ZCWPW2: variants seen among roughly 807,000 people sequenced by gnomAD.
ZCWPW2 encodes the protein zinc finger CW-type PWWP domain protein 2.
Under a neutral mutation model 46.6 loss-of-function variants are expected in ZCWPW2, and 45 were observed. That is an observed-to-expected ratio of 0.96 (90% CI 0.76 to 1.24). The LOEUF (loss-of-function observed/expected upper bound fraction) is 1.24, where lower values mean the gene tolerates loss of function less well. Among genes scored for constraint, ZCWPW2 ranks in the 50% most tolerant of loss-of-function variants. The pLI is 0.00. For missense variants in ZCWPW2, 429 were observed against 403.9 expected (o/e 1.06, Z -0.53); for synonymous variants, 152 against 137.1 (o/e 1.11, Z -0.76).
chr3:28,409,239 C>T (rs552915884), intron 2 of ZCWPW2, among the ~76,000 whole-genome samples: 2 of 151,024 alleles, frequency 1.3e-5, no homozygotes, highest in South Asian at 2.1e-4. Context: ...CCTGCCTCAG[C>T]CTTGCAAGTA....
At chr3:28,473,605 C>T (rs1699119865) in intron 4 of ZCWPW2, among the ~76,000 whole-genome samples, 1 of 152,148 alleles carries the variant, frequency 6.6e-6, no homozygotes, top group African/African-American at 2.4e-5. Flanking sequence ...GCACTGTTCA[C>T]AGTGGCCAAG....
At chr3:28,389,999 G>T (rs1181567018) in intron 1 of ZCWPW2, among the ~76,000 whole-genome samples, 1 of 152,116 alleles carries the variant, frequency 6.6e-6, no homozygotes, top group Non-Finnish European at 1.5e-5. Flanking sequence ...ACCTTCACAG[G>T]AATATCCAGA....
chr3:28,501,196 T>C (rs1420545612), intron 6 of ZCWPW2, among the ~76,000 whole-genome samples: 1 of 152,174 alleles, frequency 6.6e-6, no homozygotes, highest in Non-Finnish European at 1.5e-5. Flanking sequence ...GATCAGCTTT[T>C]GTAAGGCAGC....
chr3:28,390,086 C>T (rs1008711688), intron 1 of ZCWPW2, among the ~76,000 whole-genome samples: 4 of 152,194 alleles, frequency 2.6e-5, no homozygotes, highest in African/African-American at 7.2e-5. Flanking sequence ...TGACATCCTC[C>T]ATTTCCCAGT....
rs78769543 is a variant in ZCWPW2, at chr3:28,391,465, A to G, written c.-14+848A>G. On this transcript the variant is annotated intron_variant, in intron 2 of 9. Transcript: ENST00000383768. Reference sequence around the variant, plus strand: ...GGAGGGCTCAGGAGTCCAATTAACAACATCCAGCAATGCAGTGGAACAAAT... The same window carrying G: ...GGAGGGCTCAGGAGTCCAATTAACAGCATCCAGCAATGCAGTGGAACAAAT... Among the ~76,000 whole-genome samples, 1,476 of 152,242 alleles carry G rather than the reference A, an allele frequency of 9.7e-3. 17 individuals are homozygous for G. The highest frequency in any genetic ancestry group is 0.024 in the Middle Eastern group (7 of 294).
At chr3:28,478,744 A>C (rs1241665514) in intron 4 of ZCWPW2, 70 bp from the exon 5 acceptor site, 18 of 724,512 alleles carry the variant, frequency 2.5e-5, no homozygotes, top group Non-Finnish European at 3.7e-5. Flanking sequence ...GTTCCAGCTT[A>C]ATAAGTGGAT....
Position 28,394,452 on chromosome 3 carries a change from A to G in ZCWPW2, c.-14+3835A>G, listed in dbSNP as rs544796723. Among the ~76,000 whole-genome samples the G allele has an allele frequency of 2.4e-4, 36 of 152,236 alleles. 1 individual carries two copies. Among genetic ancestry groups the G allele is most frequent in the Middle Eastern group, 3.4e-3 (1 of 294 alleles). On this transcript the variant is annotated intron_variant, in intron 2 of 9. Coordinates refer to ENST00000383768, the MANE Select transcript of ZCWPW2 (RefSeq NM_001040432.4). ...CTCCTTTGGAACCATGAAAGACTCT[A>G]AATTTATAACAGAAGCAATCTTGAT...
chr3:28,360,520 C>G (rs1442998844), intron 1 of ZCWPW2, among the ~76,000 whole-genome samples: 1 of 142,796 alleles, frequency 7.0e-6, no homozygotes, highest in Non-Finnish European at 1.5e-5. Context: ...AAGACTTTGT[C>G]TGAAAAAAAA....
At chr3:28,436,961 A>G (rs1189008741) in intron 4 of ZCWPW2, among the ~76,000 whole-genome samples, 1 of 152,188 alleles carries the variant, frequency 6.6e-6, no homozygotes, top group African/African-American at 2.4e-5. Flanking sequence ...ATTGACTCCA[A>G]TTTACACTCT....
intron 4 of ZCWPW2, among the ~76,000 whole-genome samples, chr3:28,463,718 G>C (rs931195149): frequency 6.6e-6 from 1 of 152,094 alleles, no homozygotes; most frequent in Admixed American, 6.6e-5. Flanking sequence ...GTACATGCTT[G>C]TAGTCCTAGT....
At chr3:28,432,634 A>G (rs983097189) in intron 3 of ZCWPW2, among the ~76,000 whole-genome samples, 3 of 152,140 alleles carry the variant, frequency 2.0e-5, no homozygotes, top group African/African-American at 7.2e-5. Context: ...TTTGCCATGG[A>G]TGGTTTTAGC....
intron 4 of ZCWPW2, 59 bp downstream of exon 4, chr3:28,435,328 T>A: frequency 1.3e-6 from 2 of 1,507,476 alleles, no homozygotes; most frequent in Non-Finnish European, 8.9e-7. Context: ...TTATGGTAAT[T>A]TTTATCTTTG....
At chr3:28,449,130 A>G (rs1301301294) in intron 4 of ZCWPW2, among the ~76,000 whole-genome samples, 2 of 152,048 alleles carry the variant, frequency 1.3e-5, no homozygotes, top group East Asian at 1.9e-4. Context: ...AGACCATTCA[A>G]TGGGGAAAGG....
At chr3:28,512,495 A>C (rs1277644978) in intron 6 of ZCWPW2, among the ~76,000 whole-genome samples, 2 of 152,064 alleles carry the variant, frequency 1.3e-5, no homozygotes, top group Non-Finnish European at 2.9e-5. Context: ...TAATTCTGGA[A>C]TATTCTTAGT....
At chr3:28,454,753 G>T (rs1323563757) in intron 4 of ZCWPW2, among the ~76,000 whole-genome samples, 2 of 152,156 alleles carry the variant, frequency 1.3e-5, no homozygotes, top group Non-Finnish European at 2.9e-5. Flanking sequence ...TTCTGTTCCT[G>T]CATTAAATGG....
At chr3:28,409,531 T>C (rs1209382888) in intron 2 of ZCWPW2, among the ~76,000 whole-genome samples, 1 of 152,050 alleles carries the variant, frequency 6.6e-6, no homozygotes, top group African/African-American at 2.4e-5. Flanking sequence ...AACACACTAG[T>C]GATAATTATG....
At chr3:28,358,136 C>A (rs954338180) in intron 1 of ZCWPW2, among the ~76,000 whole-genome samples, 2 of 152,018 alleles carry the variant, frequency 1.3e-5, no homozygotes, top group Non-Finnish European at 2.9e-5. Context: ...CCTTAGCTGT[C>A]TGAACTATTG....
chr3:28,514,906 G>A (rs1054759290), intron 7 of ZCWPW2, among the ~76,000 whole-genome samples: 2 of 152,098 alleles, frequency 1.3e-5, no homozygotes, highest in Non-Finnish European at 2.9e-5. Flanking sequence ...CCAATAGGTA[G>A]CCCTTCTTTG....
chr3:28,458,851 G>C (rs1698521175), intron 4 of ZCWPW2, among the ~76,000 whole-genome samples: 1 of 152,114 alleles, frequency 6.6e-6, no homozygotes, highest in African/African-American at 2.4e-5. Context: ...TTAGCGCATT[G>C]ATTTCTTGCC....
Sources: gnomAD v4.1 joint callset for allele counts (sites outside exome capture counted in the v4.1 genomes callset) on GRCh38, gnomAD v4.1.1 for gene constraint, MANE v1.5 for transcripts, NCBI Gene and HGNC (gene_info 2026-07-23, HGNC 2026-07-21) for gene names.